PDZD8: variants seen among roughly 807,000 people sequenced by gnomAD.
PDZD8 encodes the protein PDZ domain containing 8, also known as PDZ domain-containing protein 8.
In PDZD8, 14 loss-of-function variants were observed where a neutral mutation model predicts 85.8. The ratio of observed to expected loss-of-function variants is 0.16; its 90% CI spans 0.11 to 0.26. PDZD8 has a LOEUF of 0.26. PDZD8 is among the 10% of genes least tolerant of loss of function. PDZD8 has a pLI of 1.00. For missense variants in PDZD8, 1,197 were observed against 1,424.3 expected (o/e 0.84, Z 2.57); for synonymous variants, 592 against 568.6 (o/e 1.04, Z -0.59).
At chr10:117,299,089 T>C (rs1313306351) in intron 3 of PDZD8, among the ~76,000 whole-genome samples, 1 of 152,182 alleles carries the variant, frequency 6.6e-6, no homozygotes, top group Non-Finnish European at 1.5e-5. Flanking sequence ...GATGTAAATC[T>C]GGGTGCTTCC....
chr10:117,369,448 C>T (rs1035016162), intron 1 of PDZD8, among the ~76,000 whole-genome samples: 2 of 152,052 alleles, frequency 1.3e-5, no homozygotes, highest in African/African-American at 2.4e-5. Flanking sequence ...AGTGAGCCAC[C>T]GCACCTGGCC....
chr10:117,306,179 A>G (rs1311352477), intron 3 of PDZD8, among the ~76,000 whole-genome samples: 4 of 152,180 alleles, frequency 2.6e-5, no homozygotes, highest in African/African-American at 9.7e-5. Flanking sequence ...GTAAATCGGG[A>G]ATGTATCCAC....
intron 2 of PDZD8, among the ~76,000 whole-genome samples, chr10:117,329,871 G>C (rs1440068161): frequency 1.3e-5 from 2 of 150,682 alleles, no homozygotes; most frequent in Non-Finnish European, 3.0e-5. Flanking sequence ...GCTTGAGCCT[G>C]GCGGGTGGAG....
chr10:117,341,107 C>T lies in PDZD8; in HGVS notation c.873-5G>A. The T allele has an allele frequency of 6.2e-7, 1 of 1,611,150 alleles. No individual in the cohort carries two copies. On this transcript the variant is annotated splice_region_variant and splice_polypyrimidine_tract_variant and intron_variant, in intron 1 of 4. Coordinates refer to ENST00000334464, the MANE Select transcript of PDZD8 (RefSeq NM_173791.5). ...TATGGAAAAAACGGCTTAAACCTGA[C>T]AAAAGTAAAGATAAGTCTAAATGTC...
chr10:117,306,925 C>A (rs1415784775), intron 3 of PDZD8, among the ~76,000 whole-genome samples: 1 of 152,108 alleles, frequency 6.6e-6, no homozygotes, highest in Non-Finnish European at 1.5e-5. Context: ...CACATAACCA[C>A]AGTATAACTG....
chr10:117,283,474 G>C lies in PDZD8; in HGVS notation c.3259C>G (p.Leu1087Val), dbSNP rs1844601871. 5 of 1,614,146 alleles carry C rather than the reference G, an allele frequency of 3.1e-6. No homozygotes were observed. In the South Asian group the frequency reaches 3.3e-5, roughly 11 times the overall value. The change falls in exon 5 of 5, where the codon CTA (leucine) becomes GTA (valine). Residue 1087 changes from leucine (L) to valine (V), a missense_variant. Coordinates refer to ENST00000334464, the MANE Select transcript of PDZD8 (RefSeq NM_173791.5). ...CTGTAGTGAATCATAAGAAGTGTTA[G>C]AGCTTGTAGCCTTTCACCTGATTTA... is the stretch of plus-strand genomic sequence containing the variant. ...LAKSGERLQA[L>V]TLLMIHYRAG...
chr10:117,335,539 G>A (rs1163680524), intron 2 of PDZD8, among the ~76,000 whole-genome samples: 1 of 152,136 alleles, frequency 6.6e-6, no homozygotes, highest in Non-Finnish European at 1.5e-5. Context: ...ATATCTTTTT[G>A]TACAGTTCTG....
intron 1 of PDZD8, among the ~76,000 whole-genome samples, chr10:117,371,926 C>T (rs370514217): frequency 6.6e-6 from 1 of 151,924 alleles, no homozygotes; most frequent in Non-Finnish European, 1.5e-5. Context: ...TCTGGGCAAC[C>T]GAACAAAATC....
intron 2 of PDZD8, among the ~76,000 whole-genome samples, chr10:117,336,345 C>T (rs1351587072): frequency 6.6e-6 from 1 of 152,138 alleles, no homozygotes; most frequent in African/African-American, 2.4e-5. Flanking sequence ...TATGTGTATG[C>T]ATGTATAAGT....
chr10:117,360,639 TG>T (rs1258615354), intron 1 of PDZD8, among the ~76,000 whole-genome samples: 3 of 151,908 alleles, frequency 2.0e-5, no homozygotes, highest in African/African-American at 7.3e-5. Context: ...ACATAGTAAA[TG>T]GTGCAGTCAA....
chr10:117,315,611 A>AAAAC (rs1554853439), intron 3 of PDZD8, among the ~76,000 whole-genome samples: 1 of 150,948 alleles, frequency 6.6e-6, no homozygotes, highest in African/African-American at 2.5e-5. Flanking sequence ...AAAAAAAAAA[A>AAAAC]ACAATAATCT....
chr10:117,309,735 T>C (rs1328961650), intron 3 of PDZD8, among the ~76,000 whole-genome samples: 2 of 152,198 alleles, frequency 1.3e-5, no homozygotes, highest in Non-Finnish European at 2.9e-5. Flanking sequence ...TAAACATTAT[T>C]GACTAACTAC....
At chr10:117,333,128 A>AAAAAAAC (rs1564703000) in intron 2 of PDZD8, among the ~76,000 whole-genome samples, 7 of 142,740 alleles carry the variant, frequency 4.9e-5, no homozygotes, top group Non-Finnish European at 7.5e-5. Context: ...AAAAAAAAAA[A>AAAAAAAC]AAAAAAAAAA....
intron 4 of PDZD8, among the ~76,000 whole-genome samples, chr10:117,288,443 G>A (rs1482886645): frequency 6.6e-6 from 1 of 152,010 alleles, no homozygotes; most frequent in Non-Finnish European, 1.5e-5. Context: ...TTTCTGTTAT[G>A]TTCCAAGGTT....
chr10:117,337,132 T>C (rs1844529328), intron 2 of PDZD8, among the ~76,000 whole-genome samples: 1 of 152,138 alleles, frequency 6.6e-6, no homozygotes, highest in African/African-American at 2.4e-5. Context: ...AAAGTTTCCT[T>C]TGTTGTCTTA....
intron 2 of PDZD8, among the ~76,000 whole-genome samples, chr10:117,337,468 T>C (rs1490274368): frequency 6.6e-6 from 1 of 152,172 alleles, no homozygotes; most frequent in Non-Finnish European, 1.5e-5. Flanking sequence ...AAAAGCAAAA[T>C]GTGAAAACCA....
At chr10:117,315,352 T>C (rs575111982) in intron 3 of PDZD8, among the ~76,000 whole-genome samples, 3 of 152,088 alleles carry the variant, frequency 2.0e-5, no homozygotes, top group Non-Finnish European at 4.4e-5. Context: ...TCAAGCACTT[T>C]GTGGGGCCGA....
In PDZD8 at chr10:117,285,223, C is replaced by T. The variant is rs1235782345; in HGVS notation, c.1510G>A (p.Asp504Asn). Residue 504 changes from aspartate (D) to asparagine (N), a missense_variant, in exon 5 of 5, where the codon GAT (aspartate) becomes AAT (asparagine). Asp to Asn is a conservative substitution (Grantham distance 23). Coordinates refer to ENST00000334464, the MANE Select transcript of PDZD8 (RefSeq NM_173791.5). ...LDSEFEDLAS[D>N]VRAQNEFKDE... ...TTGAACTCATTTTGTGCTCTGACAT[C>T]ACTTGCCAAGTCTTCAAATTCAGAA... The T allele has an allele frequency of 6.2e-7, 1 of 1,614,072 alleles. No homozygotes were observed. The highest frequency in any genetic ancestry group is 1.3e-5 in the African/African-American group (1 of 74,916).
chr10:117,332,576 G>A (rs1844437708), intron 2 of PDZD8, among the ~76,000 whole-genome samples: 1 of 133,834 alleles, frequency 7.5e-6, no homozygotes, highest in African/African-American at 2.8e-5. Flanking sequence ...GCGCCATCTT[G>A]ACTCACCGCA....
Sources: allele counts gnomAD v4.1 joint callset (sites outside exome capture counted in the v4.1 genomes callset), GRCh38; gene constraint gnomAD v4.1.1; transcripts MANE v1.5; gene names NCBI Gene and HGNC (gene_info 2026-07-23, HGNC 2026-07-21).